VPS13C: variants seen among roughly 807,000 people sequenced by gnomAD.
The protein encoded by VPS13C is intermembrane lipid transfer protein VPS13C.
VPS13C carries 358 observed loss-of-function variants against 456.8 expected under a neutral mutation model. The observed-to-expected ratio is 0.78, with a 90% CI of 0.72 to 0.86. The LOEUF is 0.86. VPS13C is among the 40% of genes least tolerant of loss of function. The pLI is 0.00. For synonymous variants in VPS13C, 1,578 were observed against 1,486.7 expected, an observed-to-expected ratio of 1.06 and a Z score of -1.41; for missense variants, 4,818 against 4,385.4, an observed-to-expected ratio of 1.10 and a Z score of -2.79.
intron 20 of VPS13C, among the ~76,000 whole-genome samples, chr15:61,982,940 G>A (rs959825885): frequency 1.3e-5 from 2 of 152,108 alleles, no homozygotes; most frequent in African/African-American, 4.8e-5. Context: ...AAAATTAAGA[G>A]GAAGAAAGCC....
chr15:62,011,730 T>C (rs2047043610), intron 12 of VPS13C, among the ~76,000 whole-genome samples: 1 of 151,890 alleles, frequency 6.6e-6, no homozygotes, highest in South Asian at 2.1e-4. Flanking sequence ...ATGTTAACAC[T>C]GCAATAGTAA....
chr15:62,018,261 A>C (rs1300615560), intron 9 of VPS13C, among the ~76,000 whole-genome samples: 3 of 151,974 alleles, frequency 2.0e-5, no homozygotes, highest in Non-Finnish European at 4.4e-5. Flanking sequence ...CTCTTTTCCT[A>C]ATTGAATACC....
At chr15:61,935,302 C>T (rs751755023) in intron 48 of VPS13C, among the ~76,000 whole-genome samples, 2 of 152,148 alleles carry the variant, frequency 1.3e-5, no homozygotes, top group East Asian at 1.9e-4. Context: ...TTTTTCAACA[C>T]TGACTCTAAT....
At chr15:61,882,882 G>A in intron 68 of VPS13C, 146 bp from the exon 69 acceptor site, 3 of 761,848 alleles carry the variant, frequency 3.9e-6, no homozygotes, top group Non-Finnish European at 5.4e-6. Flanking sequence ...CTACAGTTGA[G>A]ATCTCTGAAG....
intron 82 of VPS13C, among the ~76,000 whole-genome samples, chr15:61,859,351 G>A (rs1894098849): frequency 6.6e-6 from 1 of 152,108 alleles, no homozygotes; most frequent in South Asian, 2.1e-4. Context: ...CAATGAAAAT[G>A]AGAACCTGTT....
chr15:61,888,842 G>T (rs1896460537), intron 67 of VPS13C, among the ~76,000 whole-genome samples: 1 of 152,082 alleles, frequency 6.6e-6, no homozygotes, highest in African/African-American at 2.4e-5. Context: ...AATACTTAAT[G>T]TTAGATATAG....
chr15:62,012,325 G>T (rs1442968789), intron 11 of VPS13C, among the ~76,000 whole-genome samples, 161 bp from the exon 12 acceptor site: 1 of 151,240 alleles, frequency 6.6e-6, no homozygotes, highest in African/African-American at 2.4e-5. Flanking sequence ...AATACACGGA[G>T]CATTATTTAT....
At chr15:61,944,179 A>AT (rs1270568651) in intron 45 of VPS13C, among the ~76,000 whole-genome samples, 6 of 152,242 alleles carry the variant, frequency 3.9e-5, no homozygotes, top group Admixed American at 3.9e-4. Context: ...GAACAATTAC[A>AT]TAACTATTCA....
At chr15:61,963,532 C>A (rs2045282575) in intron 32 of VPS13C, among the ~76,000 whole-genome samples, 1 of 151,992 alleles carries the variant, frequency 6.6e-6, no homozygotes, top group South Asian at 2.1e-4. Flanking sequence ...CACCTAAAAT[C>A]TAGACTGACA....
At chr15:62,055,129 G>C (rs2048744088) in intron 1 of VPS13C, among the ~76,000 whole-genome samples, 1 of 152,160 alleles carries the variant, frequency 6.6e-6, no homozygotes, top group African/African-American at 2.4e-5. Flanking sequence ...GAAACAGAAA[G>C]ACAATGGTAG....
At chr15:62,028,488 A>G in intron 5 of VPS13C, 68 bp from the exon 6 acceptor site, 1 of 1,428,892 alleles carries the variant, frequency 7.0e-7, no homozygotes. Context: ...TTTCACATGT[A>G]AAATATACCT....
chr15:61,884,686 GA>G (rs149321625), intron 67 of VPS13C, among the ~76,000 whole-genome samples: 10,720 of 148,270 alleles, frequency 0.072, 591 homozygotes, highest in East Asian at 0.21. Context: ...GTCTATTAAT[GA>G]AAAAAAAAAC....
At chr15:61,948,191 T>C (rs2044669032) in intron 42 of VPS13C, among the ~76,000 whole-genome samples, 1 of 152,190 alleles carries the variant, frequency 6.6e-6, no homozygotes, top group Non-Finnish European at 1.5e-5. Context: ...GTTTCTAGTG[T>C]ATTGTGAGTT....
At position 61,878,863 on chromosome 15, in the gene VPS13C, A is replaced by G. The variant is rs989509578; in HGVS notation, c.10003-117T>C. On this transcript the variant is annotated intron_variant, in intron 73 of 84. Coordinates refer to ENST00000644861, the MANE Select transcript of VPS13C (RefSeq NM_020821.3). ...GTCTTTCGATTAGAGTCCTAGTGAA[A>G]GCTATTATTTGATACCACACATTAT... 13 of 1,103,460 alleles carry G rather than the reference A, an allele frequency of 1.2e-5. No individual in the cohort carries two copies. The African/African-American group carries it at 2.1e-4, about 18-fold the overall frequency. 68.4% of individuals were successfully genotyped at this position (1,103,460 alleles called of 1,614,324 possible).
chr15:61,964,567 C>A (rs2140328894), intron 31 of VPS13C, 132 bp downstream of exon 31: 2 of 838,950 alleles, frequency 2.4e-6, no homozygotes, highest in Middle Eastern at 3.8e-4. Context: ...CAGGTGCTCG[C>A]ATATAATTTA....
chr15:61,882,659 A>G lies in VPS13C; in HGVS notation c.9561T>C (p.Ile3187=). Residue 3187 remains isoleucine (I), a synonymous_variant, in exon 69 of 85, where the codon ATT becomes ATC. Transcript: ENST00000644861. The part of the protein sequence containing the change: ...SPIKRDFLSG[I]QIEFKQSSHQ... ...GAGAAGACTGCTTAAATTCAATCTG[A>G]ATTCCTGATAAAAAGTCTCGTTTAA... The G allele has an allele frequency of 6.2e-7, 1 of 1,601,870 alleles. No individual in the cohort carries two copies. Among genetic ancestry groups the G allele is most frequent in the Non-Finnish European group, 8.5e-7 (1 of 1,174,478 alleles).
intron 79 of VPS13C, 21 bp from the exon 80 acceptor site, chr15:61,869,644 T>C (rs929585429): frequency 2.3e-5 from 37 of 1,613,462 alleles, no homozygotes; most frequent in Admixed American, 1.8e-4. Context: ...CCAATGACCA[T>C]GAATGGATAA....
chr15:62,057,216 A>T (rs2048832423), intron 1 of VPS13C, among the ~76,000 whole-genome samples: 1 of 152,292 alleles, frequency 6.6e-6, no homozygotes, highest in South Asian at 2.1e-4. Context: ...AACAACAAAA[A>T]AAAAACTCTG....
chr15:62,021,830 C>G (rs1296775802), intron 8 of VPS13C, among the ~76,000 whole-genome samples: 1 of 151,776 alleles, frequency 6.6e-6, no homozygotes, highest in Non-Finnish European at 1.5e-5. Context: ...CAGCTCTTTC[C>G]GAAGAAACTC....
Sources: gnomAD v4.1 joint callset for allele counts (sites outside exome capture counted in the v4.1 genomes callset) on GRCh38, gnomAD v4.1.1 for gene constraint, MANE v1.5 for transcripts, NCBI Gene and HGNC (gene_info 2026-07-23, HGNC 2026-07-21) for gene names.